Variants in SLC22A17 observed in about 807,000 individuals in gnomAD.
SLC22A17 encodes the protein 24p3 receptor.
In SLC22A17, 38 loss-of-function variants were observed where a neutral mutation model predicts 53.6. The ratio of observed to expected loss-of-function variants is 0.71; its 90% CI spans 0.55 to 0.93. SLC22A17 has a LOEUF of 0.93. Ranked by LOEUF, SLC22A17 falls within the 40% of genes least tolerant of loss-of-function variation. The pLI is 0.00. For missense variants in SLC22A17, 704 were observed against 791.0 expected, an observed-to-expected ratio of 0.89 and a Z score of 1.32; for synonymous variants, 379 against 353.0, an observed-to-expected ratio of 1.07 and a Z score of -0.82.
rs774888933 is a variant in SLC22A17, at chr14:23,351,941, G to T, written c.600+7C>A. On this transcript the variant is annotated splice_region_variant and intron_variant, in intron 2 of 9. Coordinates refer to ENST00000397267, the Ensembl canonical transcript of SLC22A17. The stretch of plus-strand genomic sequence containing the variant: ...CCCCAGACCCGCGGCCCGCCTGGCC[G>T]CCTCACCTGGCCGATGGCGTTGGTG... The T allele has an allele frequency of 1.2e-6, 2 of 1,611,698 alleles. No homozygotes were observed. Among genetic ancestry groups the T allele is most frequent in the South Asian group, 2.2e-5 (2 of 90,934 alleles).
At position 23,348,034 on chromosome 14, in the gene SLC22A17, T is replaced by C; in HGVS notation, c.1172-38A>G. 1 of 1,612,508 alleles carries C rather than the reference T, an allele frequency of 6.2e-7. No homozygotes were observed. Among genetic ancestry groups the C allele is most frequent in the African/African-American group, 1.3e-5 (1 of 74,964 alleles). ...GAGAGGAGCTGTCAGAAGAAAACCC[T>C]GAGATCCCAGGATCCTCCCACATGG... On this transcript the variant is annotated intron_variant, in intron 6 of 9. Coordinates refer to ENST00000397267, the Ensembl canonical transcript of SLC22A17. This position sits in a 1 kb window ranked among gnomAD's most constrained non-coding sequence, Gnocchi z 4.5.
chr14:23,351,615 G>A, intron 3 of SLC22A17, 137 bp downstream of exon 3: 1 of 666,238 alleles, frequency 1.5e-6, no homozygotes, highest in Non-Finnish European at 2.6e-6. Context: ...GACATGGATA[G>A]ACCATTGAAT....
chr14:23,352,887 C>A lies in SLC22A17; in HGVS notation c.-146G>T, dbSNP rs1244237938. On this transcript the variant is annotated 5_prime_UTR_variant, in exon 1 of 10. Coordinates refer to ENST00000397267, the Ensembl canonical transcript of SLC22A17. This position sits in a 1 kb window ranked among gnomAD's most constrained non-coding sequence, Gnocchi z 7.2. ...GCCGCGGGCGCCTCCTTGGTCTCTG[C>A]GATCTCTGCGCTGCTTTCCCCTCCC... 1 of 396,622 alleles carries A rather than the reference C, an allele frequency of 2.5e-6. No homozygotes were observed. The highest frequency in any genetic ancestry group is 4.4e-6 in the Non-Finnish European group (1 of 224,984). 24.6% of individuals were successfully genotyped at this position (396,622 alleles called of 1,614,324 possible). A position where few individuals can be genotyped will look rare whatever the true frequency, so the allele number is the denominator to read the frequency against.
chr14:23,346,938 T>C lies in SLC22A17; in HGVS notation c.1662-2A>G. ...ATGATCAGGCCCAGGCCACGGCCCC[T>C]GGGGGGAGACAGAGGAGGAGCTCAG... On this transcript the variant is annotated splice_acceptor_variant, in intron 9 of 9. Transcript: ENST00000397267. LOFTEE classifies it high-confidence loss of function. 1 of 1,530,188 alleles carries C rather than the reference T, an allele frequency of 6.5e-7. No homozygotes were observed. Among genetic ancestry groups the C allele is most frequent in the Non-Finnish European group, 8.7e-7 (1 of 1,143,634 alleles). The allele number at this position is 1,530,188 out of a possible 1,614,324, so 94.8% of individuals were successfully genotyped here. A position where few individuals can be genotyped will look rare whatever the true frequency, so the allele number is the denominator to read the frequency against.
At position 23,352,179 on chromosome 14, in the gene SLC22A17, CG is replaced by C; in HGVS notation, c.368del (p.Pro123ArgfsTer32). On this transcript the variant is annotated frameshift_variant, in exon 2 of 10. Coordinates refer to ENST00000397267, the Ensembl canonical transcript of SLC22A17. LOFTEE classifies it high-confidence loss of function. This position sits in a 1 kb window ranked among gnomAD's most constrained non-coding sequence, Gnocchi z 7.2. ...GGAAGGCCCCGTAGTGGCAATGCAGCGGGGGCGCCAGCGTGAAGATGGGGTC... is the reference window on the plus strand; with the variant it reads ...GGAAGGCCCCGTAGTGGCAATGCAGCGGGGCGCCAGCGTGAAGATGGGGTC... 1 of 1,521,276 alleles carries C rather than the reference CG, an allele frequency of 6.6e-7. No homozygotes were observed. The highest frequency in any genetic ancestry group is 2.2e-5 in the Admixed American group (1 of 44,976). 94.2% of individuals were successfully genotyped at this position (1,521,276 alleles called of 1,614,324 possible). A position where few individuals can be genotyped will look rare whatever the true frequency, so the allele number is the denominator to read the frequency against.
chr14:23,346,460 G>A (rs1330795885), exon 10 of SLC22A17: 2 of 709,074 alleles, frequency 2.8e-6, no homozygotes, highest in Non-Finnish European at 4.4e-6. Context: ...CCTGACTCTG[G>A]CCAAGGAAGT....
chr14:23,351,559 C>T (rs976149290), intron 3 of SLC22A17, 193 bp downstream of exon 3: 1 of 577,736 alleles, frequency 1.7e-6, no homozygotes. Context: ...TTCCCTTGCG[C>T]GGAAGAGGTA....
rs914728410 is a variant in SLC22A17, at chr14:23,347,949, C to T, written c.1219G>A (p.Ala407Thr). 6.2e-7 allele frequency: 1 copy of T among 1,614,104 alleles called. No homozygotes were observed. Residue 407 changes from alanine to threonine, a missense_variant, in exon 7 of 10, where the codon GCT becomes ACT. By Grantham distance (58) the Ala-to-Thr change is moderately conservative. Transcript: ENST00000397267. This position sits in a 1 kb window ranked among gnomAD's most constrained non-coding sequence, Gnocchi z 5.1. ...ATGTTGCGGTAGTTGAGGAGGGAAGCAAAGGAAAAGGAGGATGTTGCAGGG... is the reference window on the plus strand; with the variant it reads ...ATGTTGCGGTAGTTGAGGAGGGAAGTAAAGGAAAAGGAGGATGTTGCAGGG...
chr14:23,346,615 G>C, exon 10 of SLC22A17: 8 of 1,447,036 alleles, frequency 5.5e-6, no homozygotes, highest in Non-Finnish European at 7.3e-6. Flanking sequence ...TTTCTGTGTG[G>C]GCCAGCCTCC....
At chr14:23,349,474 G>A (rs1170581957) in intron 3 of SLC22A17, 48 bp from the exon 4 acceptor site, 1 of 1,576,250 alleles carries the variant, frequency 6.3e-7, no homozygotes, top group East Asian at 2.3e-5. Context: ...CTGGTGGTGG[G>A]AAAGTTGCTG....
Position 23,347,309 on chromosome 14 carries a change from TAG to T in SLC22A17, c.1550-99_1550-98del. 1 of 1,469,032 alleles carries T rather than the reference TAG, an allele frequency of 6.8e-7. No individual in the cohort carries two copies. The highest frequency in any genetic ancestry group is 1.3e-5 in the South Asian group (1 of 76,008). 91.0% of individuals were successfully genotyped at this position (1,469,032 alleles called of 1,614,324 possible). ...CCTTGGCTCTCTGTTCCCATGGCTC[TAG>T]CTGGGCAGGCTCTGGGCATTCAGTA... On this transcript the variant is annotated intron_variant, in intron 8 of 9. Transcript: ENST00000397267. The surrounding 1 kb of genome is among the most constrained non-coding windows in gnomAD (Gnocchi z 5.1).
intron 2 of SLC22A17, 23 bp downstream of exon 2, chr14:23,351,925 C>G (rs1201592293): frequency 1.2e-6 from 2 of 1,611,602 alleles, no homozygotes; most frequent in African/African-American, 1.3e-5. Context: ...CCCCCAGACC[C>G]GCGGCCCGCC....
At chr14:23,350,572 T>C (rs746927344) in intron 3 of SLC22A17, among the ~76,000 whole-genome samples, 2 of 152,144 alleles carry the variant, frequency 1.3e-5, no homozygotes, top group Non-Finnish European at 2.9e-5. Context: ...CATTGATCTA[T>C]GGAGATGAAG....
At chr14:23,346,874 T>C in exon 10 of SLC22A17, 1 of 1,538,572 alleles carries the variant, frequency 6.5e-7, no homozygotes, top group Non-Finnish European at 8.7e-7. Context: ...GTGGAGGCGC[T>C]GGGCCGGGCC....
Position 23,352,378 on chromosome 14 carries a change from T to A in SLC22A17, c.170A>T (p.Glu57Val). The stretch of plus-strand genomic sequence containing the variant: ...CAGTCCGTCGCCGCCCGCGTCTCCC[T>A]CCCCCTCCCGCTCGCGCTCCCGCTC... Residue 57 changes from glutamate to valine, a missense_variant, in exon 2 of 10, where the codon GAG becomes GTG. Glu to Val is a moderately radical substitution (Grantham distance 121, BLOSUM62 -2). This residue lies in a region of SLC22A17 where 42 missense variants were observed against 28.2 expected (regional missense o/e 1.49). Coordinates refer to ENST00000397267, the Ensembl canonical transcript of SLC22A17. This position sits in a 1 kb window ranked among gnomAD's most constrained non-coding sequence, Gnocchi z 7.2. 1 of 710,338 alleles carries A rather than the reference T, an allele frequency of 1.4e-6. No individual in the cohort carries two copies. The highest frequency in any genetic ancestry group is 2.1e-6 in the Non-Finnish European group (1 of 480,824). 44.0% of individuals were successfully genotyped at this position (710,338 alleles called of 1,614,324 possible).
rs2138512855 is a variant in SLC22A17 at position 23,347,984 on chromosome 14, G to C, written c.1184C>G (p.Thr395Ser). 6.2e-7 allele frequency: 1 copy of C among 1,614,120 alleles called. No homozygotes were observed. Among genetic ancestry groups the C allele is most frequent in the Middle Eastern group, 1.7e-4 (1 of 6,060 alleles). ...GGAGGATGTTGCAGGGAGAGGGCAG[G>C]TATTCTCCAGGTCTTTGGGAGAGAG... is the stretch of plus-strand genomic sequence containing the variant. Residue 395 changes from threonine to serine, a missense_variant, in exon 7 of 10, where the codon ACC becomes AGC. Physicochemically the swap from Thr to Ser is moderately conservative, Grantham distance 58. This residue lies in a region of SLC22A17 where 435 missense variants were observed against 529.0 expected (regional missense o/e 0.82). Coordinates refer to ENST00000397267, the Ensembl canonical transcript of SLC22A17. This position sits in a 1 kb window ranked among gnomAD's most constrained non-coding sequence, Gnocchi z 5.1.
chr14:23,352,725 G>A lies in SLC22A17; in HGVS notation c.17C>T (p.Ala6Val). The A allele has an allele frequency of 1.3e-5, 5 of 399,080 alleles. No homozygotes were observed. The highest frequency in any genetic ancestry group is 1.3e-5 in the Non-Finnish European group (3 of 226,200). The allele number at this position is 399,080 out of a possible 1,614,324, so 24.7% of individuals were successfully genotyped here. Residue 6 changes from alanine to valine, a missense_variant, in exon 1 of 10, where the codon GCC (alanine) becomes GTC (valine). Ala to Val is a moderately conservative substitution (Grantham distance 64). This residue lies in a region of SLC22A17 where 42 missense variants were observed against 28.2 expected (regional missense o/e 1.49). Transcript: ENST00000397267. This position sits in a 1 kb window ranked among gnomAD's most constrained non-coding sequence, Gnocchi z 7.2. ...GCCATTGGGCTCGGGGGTCCCGGTGGCCACCCGGGGAGCCAGCTTGCCGAC... is the reference window on the plus strand; with the variant it reads ...GCCATTGGGCTCGGGGGTCCCGGTGACCACCCGGGGAGCCAGCTTGCCGAC...
chr14:23,349,739 G>A, intron 3 of SLC22A17: 1 of 407,484 alleles, frequency 2.5e-6, no homozygotes, highest in Non-Finnish European at 4.5e-6. Context: ...TTGCTTAGGG[G>A]ATTTGGGACC....
Position 23,347,101 on chromosome 14 carries a change from C to G in SLC22A17, c.1661G>C (p.Arg554Pro). 1 of 1,611,360 alleles carries G rather than the reference C, an allele frequency of 6.2e-7. No homozygotes were observed. Among genetic ancestry groups the G allele is most frequent in the Non-Finnish European group, 8.5e-7 (1 of 1,178,918 alleles). Residue 554 changes from arginine (R) to proline (P), a missense_variant and splice_region_variant, in exon 9 of 10, where the codon CGG (arginine) becomes CCG (proline). Coordinates refer to ENST00000397267, the Ensembl canonical transcript of SLC22A17. The surrounding 1 kb of genome is among the most constrained non-coding windows in gnomAD (Gnocchi z 5.1). The stretch of plus-strand genomic sequence containing the variant: ...CCCCTGGGGGCACCCCTGCTCTCAC[C>G]GGACAGTGGTGGGGATGACCTCAGC...
Sources: allele counts gnomAD v4.1 joint callset (sites outside exome capture counted in the v4.1 genomes callset), GRCh38; gene constraint gnomAD v4.1.1; regional missense constraint gnomAD v4.1.1; non-coding constraint Gnocchi (gnomAD v3.1); transcripts MANE v1.5; gene names NCBI Gene and HGNC (gene_info 2026-07-23, HGNC 2026-07-21).